FRMD4B: variants seen among roughly 807,000 people sequenced by gnomAD.
FRMD4B encodes FERM domain-containing protein 4B.
Under a neutral mutation model 141.5 loss-of-function variants are expected in FRMD4B, and 74 were observed. That is an observed-to-expected ratio of 0.52 (90% confidence interval 0.43 to 0.63). FRMD4B has a LOEUF of 0.63. FRMD4B is among the 30% of genes least tolerant of loss of function. FRMD4B has a pLI of 0.00. For synonymous variants in FRMD4B, 506 were observed against 467.9 expected (o/e 1.08, Z -1.05); for missense variants, 1,366 against 1,253.4 (o/e 1.09, Z -1.36).
At chr3:69,327,050 C>G (rs947383154) in intron 1 of FRMD4B, among the ~76,000 whole-genome samples, 27 of 151,938 alleles carry the variant, frequency 1.8e-4, no homozygotes, top group African/African-American at 6.3e-4. Context: ...GAGAGCACAG[C>G]CTGTGGGTTG....
intron 18 of FRMD4B, among the ~76,000 whole-genome samples, chr3:69,188,256 G>A (rs912461774): frequency 3.3e-5 from 5 of 152,172 alleles, no homozygotes; most frequent in Non-Finnish European, 7.3e-5. Context: ...GAACCAAGGG[G>A]AAGTTGGCCT....
chr3:69,369,630 A>C (rs1231156159), intron 1 of FRMD4B, among the ~76,000 whole-genome samples: 1 of 152,190 alleles, frequency 6.6e-6, no homozygotes, highest in Non-Finnish European at 1.5e-5. Flanking sequence ...TCATTCCCAA[A>C]AAGAATTTGA....
At chr3:69,326,685 C>G (rs545380865) in intron 1 of FRMD4B, among the ~76,000 whole-genome samples, 1 of 152,134 alleles carries the variant, frequency 6.6e-6, no homozygotes, top group Non-Finnish European at 1.5e-5. Flanking sequence ...AGGCCAAGCT[C>G]AAAAAGGTGC....
At chr3:69,181,794 C>T in intron 20 of FRMD4B, 84 bp from the exon 21 acceptor site, 2 of 766,848 alleles carry the variant, frequency 2.6e-6, no homozygotes, top group South Asian at 3.7e-5. Flanking sequence ...TGCTGAATGA[C>T]TGAATAGCTC....
intron 2 of FRMD4B, among the ~76,000 whole-genome samples, chr3:69,415,723 T>C (rs1392968924): frequency 6.6e-6 from 1 of 152,246 alleles, no homozygotes; most frequent in Non-Finnish European, 1.5e-5. Flanking sequence ...TATGCATTTA[T>C]TAATGGGACT....
chr3:69,394,438 T>A (rs141777217), intron 2 of FRMD4B, among the ~76,000 whole-genome samples: 14 of 152,350 alleles, frequency 9.2e-5, no homozygotes, highest in Non-Finnish European at 1.8e-4. Flanking sequence ...TCTAGGAACT[T>A]AACATGACAA....
intron 1 of FRMD4B, among the ~76,000 whole-genome samples, chr3:69,362,969 T>C (rs966062066): frequency 2.8e-5 from 4 of 144,830 alleles, no homozygotes; most frequent in East Asian, 2.0e-4. Flanking sequence ...TGAGCTTATA[T>C]TGTATCAGAA....
intron 5 of FRMD4B, among the ~76,000 whole-genome samples, chr3:69,254,407 C>G (rs2093480463): frequency 6.6e-6 from 1 of 152,134 alleles, no homozygotes; most frequent in South Asian, 2.1e-4. Context: ...CCGTACCCAG[C>G]CAAAACCCAC....
chr3:69,221,343 A>G (rs1042693795), intron 9 of FRMD4B, among the ~76,000 whole-genome samples: 1 of 152,218 alleles, frequency 6.6e-6, no homozygotes, highest in African/African-American at 2.4e-5. Context: ...TAGCATGAAG[A>G]AACAGACTAT....
chr3:69,496,578 A>G (rs758981808), intron 1 of FRMD4B, among the ~76,000 whole-genome samples: 86 of 150,830 alleles, frequency 5.7e-4, no homozygotes, highest in African/African-American at 2.0e-3. Flanking sequence ...GCCAGCATAA[A>G]GAAGAGTACA....
intron 7 of FRMD4B, among the ~76,000 whole-genome samples, chr3:69,237,737 T>C (rs2093354856): frequency 1.3e-5 from 2 of 152,216 alleles, no homozygotes. Flanking sequence ...TTTATTTATG[T>C]ACTCATTTAC....
chr3:69,442,954 G>A (rs534907141), intron 1 of FRMD4B, among the ~76,000 whole-genome samples: 2 of 152,332 alleles, frequency 1.3e-5, no homozygotes, highest in South Asian at 4.1e-4. Flanking sequence ...AAGAGCTTCT[G>A]AAATTCTTGT....
intron 1 of FRMD4B, among the ~76,000 whole-genome samples, chr3:69,313,955 C>G (rs112083640): frequency 6.8e-6 from 1 of 146,938 alleles, no homozygotes; most frequent in Non-Finnish European, 1.5e-5. Flanking sequence ...CTGGCTAACA[C>G]GGTGAAACCC....
chr3:69,344,245 G>T (rs1041528816), intron 1 of FRMD4B, among the ~76,000 whole-genome samples: 4 of 152,082 alleles, frequency 2.6e-5, no homozygotes, highest in African/African-American at 9.7e-5. Flanking sequence ...TCCATATACT[G>T]CCAGTGGCTC....
chr3:69,326,082 G>T (rs548286477), intron 1 of FRMD4B, among the ~76,000 whole-genome samples: 2 of 151,554 alleles, frequency 1.3e-5, no homozygotes, highest in Admixed American at 6.6e-5. Context: ...CCAAGTAAAT[G>T]GAACTACAGG....
At chr3:69,215,234 A>T (rs1349595623) in intron 11 of FRMD4B, among the ~76,000 whole-genome samples, 1 of 147,074 alleles carries the variant, frequency 6.8e-6, no homozygotes, top group Non-Finnish European at 1.5e-5. Context: ...AATGGACATT[A>T]ATGTTAGTTA....
At chr3:69,389,618 T>C (rs1315867550), upstream of FRMD4B, among the ~76,000 whole-genome samples, 1 of 152,200 alleles carries the variant, frequency 6.6e-6, no homozygotes, top group Non-Finnish European at 1.5e-5. Context: ...TTTTTTCTTA[T>C]CCAAATGGCT....
intron 1 of FRMD4B, among the ~76,000 whole-genome samples, chr3:69,437,939 T>C (rs1705286648): frequency 7.2e-6 from 1 of 139,210 alleles, no homozygotes; most frequent in South Asian, 2.1e-4. Flanking sequence ...ATATATACTA[T>C]ATAACATATA....
At chr3:69,219,749 C>T (rs1165879632) in intron 9 of FRMD4B, among the ~76,000 whole-genome samples, 2 of 152,134 alleles carry the variant, frequency 1.3e-5, no homozygotes, top group Non-Finnish European at 2.9e-5. Context: ...CATCCATTAG[C>T]ACTTTTCCCT....
Sources: allele counts gnomAD v4.1 joint callset (sites outside exome capture counted in the v4.1 genomes callset), GRCh38; gene constraint gnomAD v4.1.1; transcripts MANE v1.5; gene names NCBI Gene and HGNC (gene_info 2026-07-23, HGNC 2026-07-21).